Variants in SPECC1 observed in about 807,000 individuals in gnomAD.
SPECC1 encodes the protein cytospin-B.
SPECC1 carries 62 observed loss-of-function variants against 104.1 expected under a neutral mutation model. The observed-to-expected ratio is 0.60, with a 90% CI of 0.49 to 0.74. The LOEUF (loss-of-function observed/expected upper bound fraction) is 0.74. SPECC1 is among the 30% of genes least tolerant of loss of function. The probability of loss-of-function intolerance (pLI) is 0.00; values close to 1 mark genes in which losing one functional copy is unlikely to be tolerated. For missense variants in SPECC1, 1,306 were observed against 1,310.5 expected (o/e 1.00, Z 0.05); for synonymous variants, 513 against 501.6 (o/e 1.02, Z -0.30).
chr17:20,011,243 G>A (rs2043932660), intron 1 of SPECC1, among the ~76,000 whole-genome samples: 1 of 152,120 alleles, frequency 6.6e-6, no homozygotes, highest in African/African-American at 2.4e-5. Context: ...CAGACTGCCT[G>A]GGCTGCTGCT....
At chr17:20,264,594 C>T (rs1598107172) in intron 12 of SPECC1, among the ~76,000 whole-genome samples, 1 of 151,696 alleles carries the variant, frequency 6.6e-6, no homozygotes, top group East Asian at 1.9e-4. Context: ...GCCTTAGCCT[C>T]CCAAGTAGCT....
At chr17:20,019,779 G>T (rs1248384765) in intron 1 of SPECC1, among the ~76,000 whole-genome samples, 2 of 152,144 alleles carry the variant, frequency 1.3e-5, no homozygotes. Flanking sequence ...TTCCCACGGA[G>T]CCACCCTGAT....
chr17:20,231,219 A>C lies in SPECC1; in HGVS notation c.2072-539A>C, dbSNP rs116946377. On this transcript the variant is annotated intron_variant, in intron 5 of 14. Transcript: ENST00000395527. ...GTCTGCCCTTGGAGATTCTGCCTCC[A>C]GGTGTCTGGAGTGTGGGACTAGAAC... Among the ~76,000 whole-genome samples, 451 of 152,338 alleles carry C rather than the reference A, an allele frequency of 3.0e-3. 17 individuals are homozygous for C. In the East Asian group the frequency reaches 0.084, roughly 28 times the overall value.
intron 12 of SPECC1, among the ~76,000 whole-genome samples, chr17:20,288,940 G>A (rs567060658): frequency 1.6e-4 from 24 of 151,672 alleles, no homozygotes; most frequent in African/African-American, 5.8e-4. Context: ...GCCTGCCACC[G>A]TGCCCGGCTA....
At chr17:20,061,363 T>C (rs77428302) in intron 1 of SPECC1, among the ~76,000 whole-genome samples, 11,215 of 152,336 alleles carry the variant, frequency 0.074, 557 homozygotes, top group African/African-American at 0.14. Flanking sequence ...TGAGCCACCA[T>C]ACTTGGCCCA....
At chr17:20,262,290 A>G (rs753611341) in intron 12 of SPECC1, among the ~76,000 whole-genome samples, 1 of 152,238 alleles carries the variant, frequency 6.6e-6, no homozygotes, top group Non-Finnish European at 1.5e-5. Context: ...CCTGAAAAAC[A>G]TATGTGCTCA....
At chr17:20,062,725 G>A (rs542082512) in intron 1 of SPECC1, among the ~76,000 whole-genome samples, 1 of 149,188 alleles carries the variant, frequency 6.7e-6, no homozygotes, top group African/African-American at 2.5e-5. Flanking sequence ...GTCTCAATCT[G>A]TCACCCAGGC....
chr17:20,230,049 T>C (rs1031928349), intron 5 of SPECC1, among the ~76,000 whole-genome samples: 6 of 152,234 alleles, frequency 3.9e-5, no homozygotes, highest in Admixed American at 3.9e-4. Context: ...TGCTAAGTGT[T>C]ATTCAGGAAG....
chr17:20,242,793 A>G (rs2039262484), intron 7 of SPECC1, among the ~76,000 whole-genome samples: 1 of 152,216 alleles, frequency 6.6e-6, no homozygotes, highest in African/African-American at 2.4e-5. Flanking sequence ...AATAAGGGAT[A>G]ATAATATCTA....
At chr17:20,120,667 G>A (rs554433994) in intron 3 of SPECC1, among the ~76,000 whole-genome samples, 1 of 152,250 alleles carries the variant, frequency 6.6e-6, no homozygotes, top group South Asian at 2.1e-4. Flanking sequence ...AGTTTTCTAC[G>A]ATGCATAGCA....
intron 1 of SPECC1, among the ~76,000 whole-genome samples, chr17:20,046,858 A>G (rs531506818): frequency 7.7e-6 from 1 of 130,596 alleles, no homozygotes; most frequent in Admixed American, 8.5e-5. Context: ...AAGGATCCGG[A>G]GGGCACGTGG....
intron 3 of SPECC1, among the ~76,000 whole-genome samples, chr17:20,159,451 TTAAAG>T (rs766111433): frequency 3.3e-5 from 5 of 152,180 alleles, no homozygotes; most frequent in Non-Finnish European, 5.9e-5. Flanking sequence ...GAGAGTCTCT[TTAAAG>T]AGTAAAGAGG....
rs1319161663 is a variant in SPECC1, at chr17:20,313,973, C to T, written c.3118-3C>T. 5 of 1,614,012 alleles carry T rather than the reference C, an allele frequency of 3.1e-6. No individual in the cohort carries two copies. In the South Asian group the frequency reaches 4.4e-5, roughly 14 times the overall value. On this transcript the variant is annotated splice_polypyrimidine_tract_variant and splice_region_variant and intron_variant, in intron 14 of 14. Coordinates refer to ENST00000395527, the MANE Select transcript of SPECC1 (RefSeq NM_001243439.2). ...ATCTGTCCCCCATTCCCTTCCCCTGCAGGAACTCAGCGAGATGCTGTACAC... is the reference window on the plus strand; with the variant it reads ...ATCTGTCCCCCATTCCCTTCCCCTGTAGGAACTCAGCGAGATGCTGTACAC...
intron 1 of SPECC1, among the ~76,000 whole-genome samples, chr17:20,048,110 A>G (rs903639089): frequency 1.3e-5 from 2 of 151,414 alleles, no homozygotes; most frequent in African/African-American, 2.4e-5. Context: ...AAATTTGAAT[A>G]CGGCTCAAGA....
chr17:20,058,447 C>T lies in SPECC1; in HGVS notation c.-21-38184C>T, dbSNP rs192157926. On this transcript the variant is annotated intron_variant, in intron 1 of 14. Transcript: ENST00000395527. ...GAGTTTGAGGGAGGATCACTTGAGC[C>T]CAGGGTTTGAGACCAGTCTGGGCAA... Among the ~76,000 whole-genome samples, 35 of 152,138 alleles carry T rather than the reference C, an allele frequency of 2.3e-4. No homozygotes were observed. The East Asian group carries it at 6.2e-3, about 27-fold the overall frequency.
intron 3 of SPECC1, among the ~76,000 whole-genome samples, chr17:20,149,403 CA>C (rs1219245752): frequency 6.6e-6 from 1 of 152,176 alleles, no homozygotes; most frequent in Non-Finnish European, 1.5e-5. Flanking sequence ...ATAAACTGTG[CA>C]AACACTGTAG....
chr17:20,202,092 A>G (rs1450266777), intron 3 of SPECC1, among the ~76,000 whole-genome samples: 1 of 152,238 alleles, frequency 6.6e-6, no homozygotes, highest in Non-Finnish European at 1.5e-5. Context: ...CAGACTGTAC[A>G]TGGTGCTATT....
chr17:20,019,363 C>T (rs1048839583), intron 1 of SPECC1, among the ~76,000 whole-genome samples: 2 of 152,070 alleles, frequency 1.3e-5, no homozygotes, highest in Non-Finnish European at 2.9e-5. Flanking sequence ...CTAGAAATGA[C>T]TTCTCCCAGT....
At chr17:20,030,836 C>T (rs1487023254) in intron 1 of SPECC1, among the ~76,000 whole-genome samples, 1 of 151,664 alleles carries the variant, frequency 6.6e-6, no homozygotes, top group African/African-American at 2.4e-5. Flanking sequence ...CCCCCCAGCC[C>T]TTTTTTTTGT....
Sources: gnomAD v4.1 joint callset for allele counts (sites outside exome capture counted in the v4.1 genomes callset) on GRCh38, gnomAD v4.1.1 for gene constraint, MANE v1.5 for transcripts, NCBI Gene and HGNC (gene_info 2026-07-23, HGNC 2026-07-21) for gene names.